Variants in TECPR2 observed in about 807,000 individuals in gnomAD.
TECPR2 encodes the protein tectonin beta-propeller repeat-containing protein 2.
In TECPR2, 65 loss-of-function variants were observed where a neutral mutation model predicts 138.1. The ratio of observed to expected loss-of-function variants is 0.47; its 90% CI spans 0.39 to 0.58. The LOEUF (loss-of-function observed/expected upper bound fraction) is 0.58, where lower values mean the gene tolerates loss of function less well. Among genes scored for constraint, TECPR2 ranks in the 20% least tolerant of loss-of-function variants. The pLI is 0.00. For missense variants in TECPR2, 1,553 were observed against 1,824.5 expected, an observed-to-expected ratio of 0.85 and a Z score of 2.71; for synonymous variants, 746 against 749.8, an observed-to-expected ratio of 0.99 and a Z score of 0.08.
chr14:102,391,036 C>T (rs972391727), intron 2 of TECPR2, among the ~76,000 whole-genome samples: 1 of 152,104 alleles, frequency 6.6e-6, no homozygotes, highest in South Asian at 2.1e-4. Flanking sequence ...CATTGTGAAT[C>T]TGCATGTTAG....
rs376085767 is a variant in TECPR2, at chr14:102,481,813, C to T, written c.3790-15166C>T. The stretch of plus-strand genomic sequence containing the variant: ...TCAGGTGTTTCTGGTTGACTCTCTG[C>T]GGGAAGAGAAGCATGCAGAGCTCTT... On this transcript the variant is annotated intron_variant, in intron 17 of 19. Transcript: ENST00000359520. Among the ~76,000 whole-genome samples, 14 of 152,274 alleles carry T rather than the reference C, an allele frequency of 9.2e-5. No homozygotes were observed. In the South Asian group the frequency reaches 1.9e-3, roughly 20 times the overall value.
chr14:102,437,705 G>T (rs1050567683), intron 9 of TECPR2, among the ~76,000 whole-genome samples: 10 of 152,184 alleles, frequency 6.6e-5, no homozygotes, highest in African/African-American at 2.4e-4. Context: ...AGGTATGCCT[G>T]CAGAATAATA....
intron 7 of TECPR2, among the ~76,000 whole-genome samples, chr14:102,431,409 C>T (rs1446078157): frequency 3.6e-5 from 5 of 139,492 alleles, no homozygotes; most frequent in Non-Finnish European, 6.1e-5. Context: ...GTGGCGCAAT[C>T]TCGGCTCACT....
At chr14:102,454,646 C>G (rs928269066) in intron 16 of TECPR2, among the ~76,000 whole-genome samples, 1 of 152,198 alleles carries the variant, frequency 6.6e-6, no homozygotes, top group South Asian at 2.1e-4. Flanking sequence ...TTCAGAGACC[C>G]TACTGGTCCT....
chr14:102,399,276 A>C (rs1888404994), intron 2 of TECPR2, among the ~76,000 whole-genome samples: 2 of 152,178 alleles, frequency 1.3e-5, no homozygotes, highest in Admixed American at 6.5e-5. Context: ...AACAAAACAA[A>C]ACAAAAAAAC....
At chr14:102,411,061 T>A (rs1029247763) in intron 4 of TECPR2, among the ~76,000 whole-genome samples, 1 of 152,094 alleles carries the variant, frequency 6.6e-6, no homozygotes, top group African/African-American at 2.4e-5. Flanking sequence ...TCATTCTATA[T>A]GACAAATGTT....
In TECPR2 at chr14:102,483,983, GAC is replaced by G. The variant is rs1890961290; in HGVS notation, c.3790-12994_3790-12993del. Among the ~76,000 whole-genome samples, 3 of 16,744 alleles carry G rather than the reference GAC, an allele frequency of 1.8e-4. 1 individual carries two copies. The highest frequency in any genetic ancestry group is 3.3e-4 in the Non-Finnish European group (3 of 9,192). The allele number at this position is 16,744 out of a possible 152,430, so 11.0% of individuals were successfully genotyped here. On this transcript the variant is annotated intron_variant, in intron 17 of 19. Transcript: ENST00000359520. Reference sequence around the variant, plus strand: ...GGCTGATTCTTATATTTTCAGTAGAGACAAGGTTTCACCATGTTTGCCAGGCT... The same window carrying G: ...GGCTGATTCTTATATTTTCAGTAGAGAAGGTTTCACCATGTTTGCCAGGCT...
intron 2 of TECPR2, among the ~76,000 whole-genome samples, chr14:102,380,213 C>G (rs1427538216): frequency 1.3e-5 from 2 of 151,992 alleles, no homozygotes; most frequent in Non-Finnish European, 2.9e-5. Flanking sequence ...CTGAAGATCA[C>G]CATCTTAAAA....
intron 2 of TECPR2, among the ~76,000 whole-genome samples, chr14:102,381,110 G>A (rs988546833): frequency 2.0e-5 from 3 of 151,380 alleles, no homozygotes; most frequent in Non-Finnish European, 4.4e-5. Flanking sequence ...ACAGGCACAC[G>A]CCACCAAGCT....
chr14:102,368,487 C>T (rs916861885), intron 1 of TECPR2, among the ~76,000 whole-genome samples: 21 of 152,264 alleles, frequency 1.4e-4, no homozygotes, highest in Admixed American at 1.0e-3. Context: ...ACTATAGCCA[C>T]GTGCCACTGC....
intron 16 of TECPR2, among the ~76,000 whole-genome samples, chr14:102,460,088 T>C (rs1595137640): frequency 1.3e-5 from 2 of 151,934 alleles, no homozygotes; most frequent in South Asian, 4.1e-4. Context: ...CTGACCAACA[T>C]AGCAAAACCC....
At chr14:102,432,257 C>T (rs556482374) in intron 8 of TECPR2, 129 bp downstream of exon 8, 57 of 972,100 alleles carry the variant, frequency 5.9e-5, no homozygotes, top group South Asian at 7.7e-5. Flanking sequence ...ATTTCTTCCC[C>T]AAAGGAGTTT....
chr14:102,395,191 C>T (rs904761302), intron 2 of TECPR2, among the ~76,000 whole-genome samples: 11 of 152,290 alleles, frequency 7.2e-5, no homozygotes, highest in Admixed American at 3.3e-4. Context: ...TCACTGTAGG[C>T]GGCTTTTCAT....
intron 17 of TECPR2, among the ~76,000 whole-genome samples, chr14:102,470,517 AG>A (rs1890634091): frequency 6.6e-6 from 1 of 151,900 alleles, no homozygotes; most frequent in Admixed American, 6.6e-5. Context: ...CATGTTGGCC[AG>A]GCTTGTCTTG....
chr14:102,446,829 T>C (rs1432466330), intron 13 of TECPR2, among the ~76,000 whole-genome samples: 1 of 152,230 alleles, frequency 6.6e-6, no homozygotes, highest in African/African-American at 2.4e-5. Context: ...TATTTTGATA[T>C]TGTTTATATA....
At chr14:102,473,472 C>G (rs1890691985) in intron 17 of TECPR2, among the ~76,000 whole-genome samples, 1 of 152,162 alleles carries the variant, frequency 6.6e-6, no homozygotes, top group East Asian at 1.9e-4. Context: ...TGTTCTTCGA[C>G]TTGAGCTTCT....
chr14:102,448,770 G>A (rs558998837), intron 13 of TECPR2, among the ~76,000 whole-genome samples: 1 of 152,172 alleles, frequency 6.6e-6, no homozygotes, highest in East Asian at 1.9e-4. Flanking sequence ...GGGAGGCTGA[G>A]GCACGAGAAT....
rs1394099098 is a variant in TECPR2 at position 102,497,067 on chromosome 14, G to A, written c.3878G>A (p.Arg1293Gln). ...VLDSRWNVHV[R>Q]TGITEEMPVG... is the part of the protein sequence containing the mutation. ...GACAGCAGGTGGAACGTGCACGTGCGGACCGGGATCACCGAGGAGATGCCT... is the reference window on the plus strand; with the variant it reads ...GACAGCAGGTGGAACGTGCACGTGCAGACCGGGATCACCGAGGAGATGCCT... Residue 1293 changes from arginine (R) to glutamine (Q), a missense_variant, in exon 18 of 20, where the codon CGG becomes CAG. Physicochemically the swap from Arg to Gln is conservative, Grantham distance 43. Coordinates refer to ENST00000359520, the MANE Select transcript of TECPR2 (RefSeq NM_014844.5). 7.4e-6 allele frequency: 12 copies of A among 1,613,540 alleles called. No individual in the cohort carries two copies. Among genetic ancestry groups the A allele is most frequent in the South Asian group, 3.3e-5 (3 of 91,092 alleles).
chr14:102,371,975 CT>C (rs1030120614), intron 1 of TECPR2, among the ~76,000 whole-genome samples: 2 of 152,066 alleles, frequency 1.3e-5, no homozygotes, highest in Admixed American at 6.6e-5. Context: ...GAGATTGTGA[CT>C]TTTCTTTACT....
Sources: allele counts gnomAD v4.1 joint callset (sites outside exome capture counted in the v4.1 genomes callset), GRCh38; gene constraint gnomAD v4.1.1; transcripts MANE v1.5; gene names NCBI Gene and HGNC (gene_info 2026-07-23, HGNC 2026-07-21).